The following CNTRL variants were observed in gnomAD, a reference collection of about 807,000 sequenced individuals.
The protein encoded by CNTRL is centriolin.
In CNTRL, 233 loss-of-function variants were observed where a neutral mutation model predicts 303.7. The ratio of observed to expected loss-of-function variants is 0.77; its 90% confidence interval spans 0.69 to 0.86. The LOEUF is 0.86. Ranked by LOEUF, CNTRL falls within the 40% of genes least tolerant of loss-of-function variation. The probability of loss-of-function intolerance (pLI) is 0.00; values close to 1 mark genes in which losing one functional copy is unlikely to be tolerated. For missense variants in CNTRL, 2,524 were observed against 2,650.6 expected (o/e 0.95, Z 1.05); for synonymous variants, 900 against 922.2 (o/e 0.98, Z 0.44).
chr9:121,165,085 C>CA lies in CNTRL; in HGVS notation c.5568dup (p.Gln1857ThrfsTer19). 6 of 1,587,630 alleles carry CA rather than the reference C, an allele frequency of 3.8e-6. No homozygotes were observed. The highest frequency in any genetic ancestry group is 5.1e-6 in the Non-Finnish European group (6 of 1,169,232). On this transcript the variant is annotated frameshift_variant, in exon 35 of 44. Transcript: ENST00000373855. LOFTEE classifies it high-confidence loss of function. Reference sequence around the variant, plus strand: ...ACTGCATAACGACATTTCAGCAATGCAACAGCAGCTCCAAGGTATAAGGCA... The same window carrying CA: ...ACTGCATAACGACATTTCAGCAATGCAAACAGCAGCTCCAAGGTATAAGGCA...
chr9:121,121,626 G>C (rs2133379906), intron 12 of CNTRL: 1 of 166,262 alleles, frequency 6.0e-6, no homozygotes, highest in African/African-American at 2.4e-5. Flanking sequence ...GTAACTGTTC[G>C]CTAGAGGGAA....
Position 121,136,056 on chromosome 9 carries a change from T to G in CNTRL, c.2202+74T>G, listed in dbSNP as rs2051173943. 3.8e-6 allele frequency: 5 copies of G among 1,304,712 alleles called. No individual in the cohort carries two copies. The South Asian group carries it at 6.1e-5, about 16-fold the overall frequency. The allele number at this position is 1,304,712 out of a possible 1,614,324, so 80.8% of individuals were successfully genotyped here. A position where few individuals can be genotyped will look rare whatever the true frequency, so the allele number is the denominator to read the frequency against. On this transcript the variant is annotated intron_variant, in intron 15 of 43. Transcript: ENST00000373855. ...AGATATCATCCTTCTTTTATTTATG[T>G]CTTAATTTAAAATTAAGCGTTTTTT...
At chr9:121,133,286 C>T (rs1286799272) in intron 14 of CNTRL, among the ~76,000 whole-genome samples, 31 of 152,226 alleles carry the variant, frequency 2.0e-4, no homozygotes, top group Admixed American at 2.0e-3. Context: ...TGCTGAGCTG[C>T]GGTGGGCTCC....
At chr9:121,163,327 AAAT>A (rs1412160651) in intron 34 of CNTRL, among the ~76,000 whole-genome samples, 2 of 123,690 alleles carry the variant, frequency 1.6e-5, no homozygotes, top group Non-Finnish European at 1.7e-5. Context: ...TTCAAAAAAA[AAAT>A]ATATATATAT....
rs2052779001 is a variant in CNTRL, at chr9:121,160,195, T to C, written c.4982T>C (p.Val1661Ala). ...ELSFQKGELN[V>A]QISERKTQLT... Reference sequence around the variant, plus strand: ...AGTTTTCAGAAAGGAGAACTAAATGTTCAGATTAGTGAAAGAAAAACTCAA... The same window carrying C: ...AGTTTTCAGAAAGGAGAACTAAATGCTCAGATTAGTGAAAGAAAAACTCAA... Residue 1661 changes from valine to alanine, a missense_variant, in exon 32 of 44, where the codon GTT becomes GCT. Transcript: ENST00000373855. The C allele has an allele frequency of 6.4e-7, 1 of 1,556,784 alleles. No individual in the cohort carries two copies. The highest frequency in any genetic ancestry group is 8.6e-7 in the Non-Finnish European group (1 of 1,158,474).
Position 121,145,394 on chromosome 9 carries a change from T to C in CNTRL, c.3310+9T>C. On this transcript the variant is annotated intron_variant, in intron 22 of 43. Coordinates refer to ENST00000373855, the MANE Select transcript of CNTRL (RefSeq NM_007018.6). Reference sequence around the variant, plus strand: ...AGACCTCACTGGAAGTGGTAAAGTATTGGGCTTTGATTTTTGGCAGTGGTT... The same window carrying C: ...AGACCTCACTGGAAGTGGTAAAGTACTGGGCTTTGATTTTTGGCAGTGGTT... 2 of 1,586,930 alleles carry C rather than the reference T, an allele frequency of 1.3e-6. No individual in the cohort carries two copies. Among genetic ancestry groups the C allele is most frequent in the Non-Finnish European group, 1.7e-6 (2 of 1,170,528 alleles).
intron 5 of CNTRL, among the ~76,000 whole-genome samples, chr9:121,095,875 T>G (rs1444146652): frequency 5.3e-5 from 8 of 152,210 alleles, no homozygotes; most frequent in Non-Finnish European, 1.5e-5. Flanking sequence ...TAGAAGTGAC[T>G]TGGGAAAAAC....
intron 32 of CNTRL, among the ~76,000 whole-genome samples, chr9:121,160,856 A>G (rs2052813408): frequency 6.6e-6 from 1 of 152,110 alleles, no homozygotes; most frequent in South Asian, 2.1e-4. Flanking sequence ...ATGTGCACCT[A>G]TAGTCCCAGC....
chr9:121,145,039 C>G, intron 21 of CNTRL, 80 bp downstream of exon 21: 1 of 1,298,812 alleles, frequency 7.7e-7, no homozygotes, highest in Non-Finnish European at 1.1e-6. Flanking sequence ...TAGGTGATGT[C>G]TCAAAGAATT....
intron 12 of CNTRL, among the ~76,000 whole-genome samples, chr9:121,118,899 G>A (rs2050097960): frequency 6.6e-6 from 1 of 152,128 alleles, no homozygotes; most frequent in African/African-American, 2.4e-5. Flanking sequence ...ATAAGAGGAT[G>A]TCCATAGGTT....
intron 12 of CNTRL, chr9:121,122,510 A>G: frequency 2.1e-6 from 1 of 481,606 alleles, no homozygotes; most frequent in Non-Finnish European, 2.7e-6. Flanking sequence ...CATTTTTCTG[A>G]CTGATACAGT....
At position 121,090,790 on chromosome 9, in the gene CNTRL, A is replaced by G. The variant is rs959017044; in HGVS notation, c.348+385A>G. ...CTATATGGCCCGCAAAGCCAAAAAC[A>G]TTTACTATTTGGCCTTTGTATTCGT... is the stretch of plus-strand genomic sequence containing the variant. On this transcript the variant is annotated intron_variant, in intron 4 of 43. Coordinates refer to ENST00000373855, the MANE Select transcript of CNTRL (RefSeq NM_007018.6). Among the ~76,000 whole-genome samples the G allele has an allele frequency of 7.9e-4, 121 of 152,330 alleles. 2 individuals carry two copies. The highest frequency in any genetic ancestry group is 2.7e-3 in the African/African-American group (112 of 41,564).
chr9:121,125,298 G>A (rs962857561), intron 13 of CNTRL, among the ~76,000 whole-genome samples: 26 of 151,902 alleles, frequency 1.7e-4, no homozygotes, highest in Non-Finnish European at 7.4e-5. Flanking sequence ...CTCGTGAGTA[G>A]CAGGGACTAC....
chr9:121,138,425 T>G, intron 15 of CNTRL, 120 bp from the exon 16 acceptor site: 1 of 1,020,422 alleles, frequency 9.8e-7, no homozygotes, highest in Non-Finnish European at 1.4e-6. Context: ...AAACATAAAA[T>G]TGAGTTGTAA....
Position 121,088,453 on chromosome 9 carries a change from ACT to A in CNTRL, c.130_131del (p.Leu44ThrfsTer10). On this transcript the variant is annotated frameshift_variant, in exon 3 of 44. Coordinates refer to ENST00000373855, the MANE Select transcript of CNTRL (RefSeq NM_007018.6). LOFTEE classifies it high-confidence loss of function. ...RSLSPLIGSE[T>X]LPFHSGGQWC... is the part of the protein sequence containing the mutation. The stretch of plus-strand genomic sequence containing the variant: ...ACTTTCACCTTTGATTGGATCAGAG[ACT>A]CTACCTTTTCATTCTGGAGGACAGT... 1 of 1,612,612 alleles carries A rather than the reference ACT, an allele frequency of 6.2e-7. No individual in the cohort carries two copies. Among genetic ancestry groups the A allele is most frequent in the Non-Finnish European group, 8.5e-7 (1 of 1,178,806 alleles).
At chr9:121,145,198 A>G (rs1223653205) in intron 21 of CNTRL, 46 bp from the exon 22 acceptor site, 1 of 1,569,626 alleles carries the variant, frequency 6.4e-7, no homozygotes, top group East Asian at 2.2e-5. Flanking sequence ...TGTTTGGGAA[A>G]GAATGAATTC....
intron 7 of CNTRL, 151 bp from the exon 8 acceptor site, chr9:121,107,651 C>CT (rs1449555705): frequency 7.5e-6 from 4 of 533,022 alleles, no homozygotes. Context: ...TCAGGATAGT[C>CT]TTTTTTTCCA....
intron 16 of CNTRL, 57 bp downstream of exon 16, chr9:121,138,736 A>G: frequency 6.3e-7 from 1 of 1,575,516 alleles, no homozygotes; most frequent in Non-Finnish European, 8.7e-7. Context: ...AGATGATGAT[A>G]TCTTTAGTCA....
intron 12 of CNTRL, among the ~76,000 whole-genome samples, chr9:121,123,282 T>TA (rs1156944697): frequency 6.6e-6 from 1 of 152,122 alleles, no homozygotes; most frequent in Non-Finnish European, 1.5e-5. Flanking sequence ...AAACCTTTTT[T>TA]AAAAGACACA....
Sources: gnomAD v4.1 joint callset for allele counts (sites outside exome capture counted in the v4.1 genomes callset) on GRCh38, gnomAD v4.1.1 for gene constraint, MANE v1.5 for transcripts, NCBI Gene and HGNC (gene_info 2026-07-23, HGNC 2026-07-21) for gene names.